Variants in SEPTIN9 observed in about 807,000 individuals in gnomAD.
SEPTIN9 encodes the protein septin 9, also known as septin-9.
In SEPTIN9, 13 loss-of-function variants were observed where a neutral mutation model predicts 56.6. That is an observed-to-expected ratio of 0.23 (90% confidence interval 0.15 to 0.37). SEPTIN9 has a LOEUF of 0.37. SEPTIN9 is among the 10% of genes least tolerant of loss of function. The pLI, the probability that SEPTIN9 is intolerant of heterozygous loss-of-function variation, is 1.00. For synonymous variants in SEPTIN9, 332 were observed against 334.1 expected, an observed-to-expected ratio of 0.99 and a Z score of 0.07; for missense variants, 650 against 823.1, an observed-to-expected ratio of 0.79 and a Z score of 2.57.
chr17:77,408,984 C>T (rs918589900), intron 3 of SEPTIN9, among the ~76,000 whole-genome samples: 2 of 152,028 alleles, frequency 1.3e-5, no homozygotes, highest in African/African-American at 2.4e-5. Context: ...GAGTTTGGAT[C>T]GTGTCATGCC....
At chr17:77,452,847 GGAA>G (rs1275057078) in intron 3 of SEPTIN9, among the ~76,000 whole-genome samples, 4 of 150,736 alleles carry the variant, frequency 2.7e-5, no homozygotes, top group South Asian at 4.2e-4. Context: ...TTCAGGAAAA[GGAA>G]GAAGGTGTTT....
In SEPTIN9 at chr17:77,406,863, G is replaced by A. The variant is rs140795079; in HGVS notation, c.721+4160G>A. ...CTTTTGTATTTTTAGTAGAGACGGG[G>A]TTTCACCATATAGGCCAGGCTGGTC... On this transcript the variant is annotated intron_variant, in intron 3 of 11. Transcript: ENST00000427177. Among the ~76,000 whole-genome samples, 1,053 of 152,028 alleles carry A rather than the reference G, an allele frequency of 6.9e-3. 10 individuals are homozygous for A. Among genetic ancestry groups the A allele is most frequent in the African/African-American group, 0.024 (986 of 41,430 alleles).
intron 3 of SEPTIN9, among the ~76,000 whole-genome samples, chr17:77,416,868 C>T (rs1483382852): frequency 6.6e-6 from 1 of 152,346 alleles, no homozygotes; most frequent in African/African-American, 2.4e-5. Flanking sequence ...TCGAGCCTCC[C>T]ATGGGCTCCA....
chr17:77,339,039 C>A (rs562409963), intron 2 of SEPTIN9, among the ~76,000 whole-genome samples: 317 of 152,298 alleles, frequency 2.1e-3, no homozygotes, highest in Non-Finnish European at 4.0e-3. Context: ...CAATCCAGTC[C>A]CATCTCCAGG....
At position 77,307,312 on chromosome 17, in the gene SEPTIN9, C is replaced by T. The variant is rs2032310476; in HGVS notation, c.76+115C>T. 4 of 950,396 alleles carry T rather than the reference C, an allele frequency of 4.2e-6. 1 individual carries two copies. The highest frequency in any genetic ancestry group is 2.6e-5 in the South Asian group (2 of 76,766). The allele number at this position is 950,396 out of a possible 1,614,324, so 58.9% of individuals were successfully genotyped here. On this transcript the variant is annotated intron_variant, in intron 2 of 11. Transcript: ENST00000427177. ...ACCTGGCTTCCCTGGATGAGTGGGG[C>T]CACTTGCCCATTTCCCAGGGAGACG...
chr17:77,281,598 C>G (rs1198987506), intron 1 of SEPTIN9, 44 bp downstream of exon 1: 2 of 1,523,200 alleles, frequency 1.3e-6, no homozygotes, highest in Non-Finnish European at 1.8e-6. Context: ...TGTCCCGGGA[C>G]CAGCGCTGCT....
chr17:77,373,717 C>A, intron 2 of SEPTIN9: 1 of 1,313,368 alleles, frequency 7.6e-7, no homozygotes, highest in East Asian at 3.1e-5. Flanking sequence ...GCGCCCCCGG[C>A]CCCGTGCCCG....
intron 3 of SEPTIN9, among the ~76,000 whole-genome samples, chr17:77,458,481 A>G (rs1210978804): frequency 6.6e-6 from 1 of 152,146 alleles, no homozygotes; most frequent in African/African-American, 2.4e-5. Context: ...TGCCGGGTCC[A>G]TTTGCCTGTT....
intron 4 of SEPTIN9, 163 bp downstream of exon 4, chr17:77,482,498 C>T (rs1226439876): frequency 6.5e-6 from 5 of 774,072 alleles, no homozygotes; most frequent in Non-Finnish European, 1.1e-5. Flanking sequence ...CATGCATGCG[C>T]CTGGGAGGAG....
chr17:77,299,647 G>A (rs900612025), intron 1 of SEPTIN9, among the ~76,000 whole-genome samples: 2 of 152,216 alleles, frequency 1.3e-5, no homozygotes, highest in Non-Finnish European at 2.9e-5. Context: ...ACCCTATATA[G>A]GTGAGACCCA....
Position 77,444,978 on chromosome 17 carries a change from G to C in SEPTIN9, c.722-37166G>C, listed in dbSNP as rs113646462. On this transcript the variant is annotated intron_variant, in intron 3 of 11. Coordinates refer to ENST00000427177, the MANE Select transcript of SEPTIN9 (RefSeq NM_001113491.2). ...TGGGGCATCCTGAACGTTCTCCCAG[G>C]CCAAGTGAGAAGAAACCAGAAGAGG... 6.5e-4 allele frequency: 241 copies of C among 368,828 alleles called. 1 individual carries two copies. The highest frequency in any genetic ancestry group is 4.7e-3 in the African/African-American group (219 of 46,832). 22.8% of individuals were successfully genotyped at this position (368,828 alleles called of 1,614,324 possible). A position where few individuals can be genotyped will look rare whatever the true frequency, so the allele number is the denominator to read the frequency against.
rs1051956136 is a variant in SEPTIN9 at position 77,377,387 on chromosome 17, G to C, written c.77-24672G>C. Among the ~76,000 whole-genome samples, 17 of 152,134 alleles carry C rather than the reference G, an allele frequency of 1.1e-4. No homozygotes were observed. The East Asian group carries it at 3.1e-3, about 28-fold the overall frequency. On this transcript the variant is annotated intron_variant, in intron 2 of 11. Transcript: ENST00000427177. ...GTTATCGCAAACACGATTACAACTC[G>C]GGTCTTTGTGTAACAAAAGCCTTTC...
In SEPTIN9 at chr17:77,421,795, C is replaced by T. The variant is rs2036714505; in HGVS notation, c.721+19092C>T. ...CTTCACCCTCGGGGATTGGCAGCTGCCACGCTCATTTCACAGTCGAGACAC... is the reference window on the plus strand; with the variant it reads ...CTTCACCCTCGGGGATTGGCAGCTGTCACGCTCATTTCACAGTCGAGACAC... On this transcript the variant is annotated intron_variant, in intron 3 of 11. Transcript: ENST00000427177. This position sits in a 1 kb window ranked among gnomAD's most constrained non-coding sequence, Gnocchi z 4.6. Among the ~76,000 whole-genome samples the T allele has an allele frequency of 6.6e-6, 1 of 152,148 alleles. No individual in the cohort carries two copies. Among genetic ancestry groups the T allele is most frequent in the Admixed American group, 6.6e-5 (1 of 15,266 alleles).
chr17:77,307,055 C>T (rs1352906954), intron 1 of SEPTIN9, 86 bp from the exon 2 acceptor site: 25 of 1,278,420 alleles, frequency 2.0e-5, no homozygotes, highest in African/African-American at 4.4e-5. Flanking sequence ...GGAGCAAAGG[C>T]GAGGACATTC....
rs1417157191 is a variant in SEPTIN9 at position 77,318,388 on chromosome 17, C to A, written c.76+11191C>A. Among the ~76,000 whole-genome samples the A allele has an allele frequency of 1.3e-5, 2 of 152,124 alleles. No homozygotes were observed. Among genetic ancestry groups the A allele is most frequent in the Non-Finnish European group, 2.9e-5 (2 of 68,018 alleles). On this transcript the variant is annotated intron_variant, in intron 2 of 11. Transcript: ENST00000427177. This position sits in a 1 kb window ranked among gnomAD's most constrained non-coding sequence, Gnocchi z 4.9. ...TGCCTTTAGGGACCACCTAGACCAT[C>A]CAGGGTGCTCTCGCCACAGCAAGAT...
chr17:77,427,996 A>G (rs1413056962), intron 3 of SEPTIN9, among the ~76,000 whole-genome samples: 1 of 152,216 alleles, frequency 6.6e-6, no homozygotes, highest in East Asian at 1.9e-4. Flanking sequence ...TATTGTCATC[A>G]GTGCCATCCT....
intron 2 of SEPTIN9, among the ~76,000 whole-genome samples, chr17:77,368,579 T>C (rs1341377171): frequency 2.6e-5 from 4 of 152,196 alleles, no homozygotes; most frequent in African/African-American, 9.6e-5. Flanking sequence ...TCCAAAGTGC[T>C]GGGATTACAG....
At chr17:77,314,736 T>A (rs1278417962) in intron 2 of SEPTIN9, among the ~76,000 whole-genome samples, 2 of 152,232 alleles carry the variant, frequency 1.3e-5, no homozygotes, top group Non-Finnish European at 2.9e-5. Flanking sequence ...CGAAGGCCCC[T>A]GCTGCCCACA....
At chr17:77,374,784 TTGGC>T (rs1858625705) in intron 2 of SEPTIN9, 1 of 152,352 alleles carries the variant, frequency 6.6e-6, no homozygotes, top group African/African-American at 2.4e-5. Context: ...GACCAGAACT[TTGGC>T]TGGACGCCAA....
Sources: allele counts gnomAD v4.1 joint callset (sites outside exome capture counted in the v4.1 genomes callset), GRCh38; gene constraint gnomAD v4.1.1; non-coding constraint Gnocchi (gnomAD v3.1); transcripts MANE v1.5; gene names NCBI Gene and HGNC (gene_info 2026-07-23, HGNC 2026-07-21).